Variants in PFKFB2 observed in about 807,000 individuals in gnomAD.
The protein encoded by PFKFB2 is 6-phosphofructo-2-kinase/fructose-2,6-bisphosphatase 2.
Under a neutral mutation model 68.0 loss-of-function variants are expected in PFKFB2, and 53 were observed. The observed-to-expected ratio is 0.78, with a 90% CI of 0.63 to 0.98. The LOEUF is 0.98. Ranked by LOEUF, PFKFB2 falls within the 50% of genes least tolerant of loss-of-function variation. The probability of loss-of-function intolerance (pLI) is 0.00; values close to 1 mark genes in which losing one functional copy is unlikely to be tolerated. For synonymous variants in PFKFB2, 222 were observed against 227.6 expected (o/e 0.98, Z 0.22); for missense variants, 451 against 642.0 (o/e 0.70, Z 3.22).
At chr1:207,051,848 G>T (rs1263503081), upstream of PFKFB2, among the ~76,000 whole-genome samples, 1 of 152,142 alleles carries the variant, frequency 6.6e-6, no homozygotes, top group African/African-American at 2.4e-5. Flanking sequence ...ACTGTGCCTC[G>T]CAAATAAAAA....
chr1:207,063,097 G>C lies in PFKFB2; in HGVS notation c.309-46G>C, dbSNP rs754413815. On this transcript the variant is annotated intron_variant, in intron 4 of 14. Transcript: ENST00000367080. The surrounding 1 kb of genome is among the most constrained non-coding windows in gnomAD (Gnocchi z 4.1). ...CACCCGAATGTTTGTGTCTCTGACTGTTTGAGCTTAGCTCTCCTTGCTGGT... is the reference window on the plus strand; with the variant it reads ...CACCCGAATGTTTGTGTCTCTGACTCTTTGAGCTTAGCTCTCCTTGCTGGT... 6.5e-7 allele frequency: 1 copy of C among 1,527,046 alleles called. No individual in the cohort carries two copies. Among genetic ancestry groups the C allele is most frequent in the Non-Finnish European group, 9.1e-7 (1 of 1,101,798 alleles). The allele number at this position is 1,527,046 out of a possible 1,614,324, so 94.6% of individuals were successfully genotyped here. A position where few individuals can be genotyped will look rare whatever the true frequency, so the allele number is the denominator to read the frequency against.
At chr1:207,060,962 ATATATATCTATATATC>A (rs200193261) in intron 2 of PFKFB2, 1 of 140,310 alleles carries the variant, frequency 7.1e-6, no homozygotes, top group Non-Finnish European at 1.5e-5. Flanking sequence ...TAAGTTAAAT[ATATATATCTATATATC>A]TATATATCTA....
rs886230979 is a variant in PFKFB2 at position 207,072,479 on chromosome 1, A to G, written c.*108A>G. The G allele has an allele frequency of 2.7e-6, 4 of 1,493,282 alleles. No individual in the cohort carries two copies. The highest frequency in any genetic ancestry group is 1.4e-5 in the African/African-American group (1 of 71,096). 92.5% of individuals were successfully genotyped at this position (1,493,282 alleles called of 1,614,324 possible). A position where few individuals can be genotyped will look rare whatever the true frequency, so the allele number is the denominator to read the frequency against. On this transcript the variant is annotated 3_prime_UTR_variant, in exon 15 of 15. Transcript: ENST00000367080. ...AAGGAGTCATTAACTTCCTCCCTCT[A>G]TGCCCACCCCTGACACTTCACCATT...
chr1:207,074,147 A>G lies in PFKFB2; in HGVS notation c.*1776A>G. 1.0e-6 allele frequency: 1 copy of G among 978,398 alleles called. No individual in the cohort carries two copies. The highest frequency in any genetic ancestry group is 1.2e-6 in the Non-Finnish European group (1 of 823,604). 60.6% of individuals were successfully genotyped at this position (978,398 alleles called of 1,614,324 possible). On this transcript the variant is annotated 3_prime_UTR_variant, in exon 15 of 15. Transcript: ENST00000367080. ...TTAAGTAGCTTCCCGGATGATTCTG[A>G]TTCATAGCTCGGGTTAAGAACTCCA...
rs750614269 is a variant in PFKFB2 at position 207,065,095 on chromosome 1, C to T, written c.567C>T (p.Asp189=). 4.8e-5 allele frequency: 78 copies of T among 1,613,952 alleles called. No homozygotes were observed. The highest frequency in any genetic ancestry group is 5.9e-5 in the Non-Finnish European group (70 of 1,179,992). ...GGAACAGAGAGAACGTGATGGAGGA[C>T]TTCCTGAAGAGAATTGAATGCTACA... ...PERNRENVME[D]FLKRIECYKV... Residue 189 remains aspartate, a synonymous_variant, in exon 8 of 15, where the codon GAC becomes GAT. Coordinates refer to ENST00000367080, the MANE Select transcript of PFKFB2 (RefSeq NM_006212.2).
rs1260739299 is a variant in PFKFB2 at position 207,061,087 on chromosome 1, T to TTA, written c.86-858_86-857dup. 2.6e-5 allele frequency among the ~76,000 whole-genome samples: 3 copies of TTA among 114,642 alleles called. No homozygotes were observed. The East Asian group carries it at 6.4e-4, about 24-fold the overall frequency. The allele number at this position is 114,642 out of a possible 152,430, so 75.2% of individuals were successfully genotyped here. A position where few individuals can be genotyped will look rare whatever the true frequency, so the allele number is the denominator to read the frequency against. ...TCTTTATATATATCTTTATATATCT[T>TTA]TATATATATCTTTATATATATCTAT... On this transcript the variant is annotated intron_variant, in intron 2 of 14. Coordinates refer to ENST00000367080, the MANE Select transcript of PFKFB2 (RefSeq NM_006212.2).
At position 207,070,866 on chromosome 1, in the gene PFKFB2, C is replaced by T. The variant is rs1215329087; in HGVS notation, c.1223-322C>T. The T allele has an allele frequency of 1.3e-5, 4 of 314,306 alleles. No individual in the cohort carries two copies. The highest frequency in any genetic ancestry group is 9.5e-5 in the Admixed American group (2 of 21,160). The allele number at this position is 314,306 out of a possible 1,614,324, so 19.5% of individuals were successfully genotyped here. A position where few individuals can be genotyped will look rare whatever the true frequency, so the allele number is the denominator to read the frequency against. On this transcript the variant is annotated intron_variant, in intron 12 of 14. Transcript: ENST00000367080. The surrounding 1 kb of genome is among the most constrained non-coding windows in gnomAD (Gnocchi z 4.2). Reference sequence around the variant, plus strand: ...CATTGTGGATGCTGAGCTCAGCATCCTGAGCTGCTTGGAAGCTGTTGTGGT... The same window carrying T: ...CATTGTGGATGCTGAGCTCAGCATCTTGAGCTGCTTGGAAGCTGTTGTGGT...
chr1:207,079,711 A>G (rs1328878706), downstream of PFKFB2: 1 of 152,194 alleles, frequency 6.6e-6, no homozygotes, highest in Non-Finnish European at 1.5e-5. Flanking sequence ...TAGCTACTGT[A>G]CTTTTGACTT....
Position 207,073,103 on chromosome 1 carries a change from CAT to C in PFKFB2, c.*734_*735del, listed in dbSNP as rs1415930730. ...GAATATTCTGGAGCTTGCAAGTAGA[CAT>C]AGGGTGAGAGTTCTTGCCTCCTTTC... is the stretch of plus-strand genomic sequence containing the variant. On this transcript the variant is annotated 3_prime_UTR_variant, in exon 15 of 15. Coordinates refer to ENST00000367080, the MANE Select transcript of PFKFB2 (RefSeq NM_006212.2). The C allele has an allele frequency of 7.1e-6, 7 of 985,386 alleles. No individual in the cohort carries two copies. Among genetic ancestry groups the C allele is most frequent in the Non-Finnish European group, 2.4e-6 (2 of 829,980 alleles). The allele number at this position is 985,386 out of a possible 1,614,324, so 61.0% of individuals were successfully genotyped here.
At chr1:207,048,977 G>A (rs1328063854), upstream of PFKFB2, 2 of 1,552,128 alleles carry the variant, frequency 1.3e-6, no homozygotes, top group Non-Finnish European at 1.8e-6. Flanking sequence ...AGAGCCTTCT[G>A]GATGTGTGAG....
chr1:207,064,882 C>A (rs532344723), intron 7 of PFKFB2, among the ~76,000 whole-genome samples, 154 bp from the exon 8 acceptor site: 1 of 90,280 alleles, frequency 1.1e-5, no homozygotes, highest in Non-Finnish European at 2.2e-5. Context: ...CGGGGCGGGG[C>A]GGGGCGGGGG....
At chr1:207,065,798 CT>C (rs1180612298) in intron 8 of PFKFB2, among the ~76,000 whole-genome samples, 18 of 152,286 alleles carry the variant, frequency 1.2e-4, no homozygotes, top group African/African-American at 4.3e-4. Flanking sequence ...CTTCCCTGGG[CT>C]TTGCCCACTA....
intron 10 of PFKFB2, among the ~76,000 whole-genome samples, chr1:207,068,944 A>G (rs964982138): frequency 6.6e-6 from 1 of 151,884 alleles, no homozygotes; most frequent in African/African-American, 2.4e-5. Flanking sequence ...ATGGGGTTTC[A>G]CCATCTTGGC....
chr1:207,049,359 T>C (rs1364468719), upstream of PFKFB2: 1 of 1,614,054 alleles, frequency 6.2e-7, no homozygotes, highest in African/African-American at 1.3e-5. Flanking sequence ...CCACTACACA[T>C]ATTTCACATT....
At chr1:207,058,313 G>A (rs1029177269) in intron 2 of PFKFB2, among the ~76,000 whole-genome samples, 3 of 152,354 alleles carry the variant, frequency 2.0e-5, no homozygotes, top group Admixed American at 6.5e-5. Flanking sequence ...AATAAAAGAA[G>A]ACGTCCTGGG....
upstream of PFKFB2, chr1:207,052,464 C>G (rs975886101): frequency 6.7e-6 from 3 of 448,968 alleles, no homozygotes; most frequent in Non-Finnish European, 1.2e-5. Flanking sequence ...AAGTTCGAGA[C>G]CAGCCTCATC....
chr1:207,066,683 G>A (rs1362398371), intron 8 of PFKFB2, among the ~76,000 whole-genome samples: 1 of 151,638 alleles, frequency 6.6e-6, no homozygotes, highest in African/African-American at 2.4e-5. Context: ...GGAGTCTCTC[G>A]CTCTTGTTGC....
At position 207,074,379 on chromosome 1, in the gene PFKFB2, C is replaced by T. The variant is rs556665661; in HGVS notation, c.*2008C>T. On this transcript the variant is annotated 3_prime_UTR_variant, in exon 15 of 15. Coordinates refer to ENST00000367080, the MANE Select transcript of PFKFB2 (RefSeq NM_006212.2). ...TCTAGGTTCTAGTCCCATCTTTAAC[C>T]CTTTACATTGCTGAGTGATGTGGAA... 6 of 985,266 alleles carry T rather than the reference C, an allele frequency of 6.1e-6. No individual in the cohort carries two copies. The highest frequency in any genetic ancestry group is 7.2e-6 in the Non-Finnish European group (6 of 829,880). The allele number at this position is 985,266 out of a possible 1,614,324, so 61.0% of individuals were successfully genotyped here. A position where few individuals can be genotyped will look rare whatever the true frequency, so the allele number is the denominator to read the frequency against.
At chr1:207,050,852 A>G (rs1572711456), upstream of PFKFB2, 1 of 1,612,642 alleles carries the variant, frequency 6.2e-7, no homozygotes, top group Non-Finnish European at 8.5e-7. Context: ...CAGCCCCTGC[A>G]AAACATGGGT....
Sources: gnomAD v4.1 joint callset for allele counts (sites outside exome capture counted in the v4.1 genomes callset) on GRCh38, gnomAD v4.1.1 for gene constraint, Gnocchi (gnomAD v3.1) non-coding constraint, MANE v1.5 for transcripts, NCBI Gene and HGNC (gene_info 2026-07-23, HGNC 2026-07-21) for gene names.